The following CREB3L2 variants were observed in gnomAD, a reference collection of about 807,000 sequenced individuals.
The protein encoded by CREB3L2 is cyclic AMP-responsive element-binding protein 3-like protein 2.
Under a neutral mutation model 57.2 loss-of-function variants are expected in CREB3L2, and 23 were observed. That is an observed-to-expected ratio of 0.40 (90% confidence interval 0.29 to 0.57). The LOEUF (loss-of-function observed/expected upper bound fraction) is 0.57. CREB3L2 is among the 20% of genes least tolerant of loss of function. The pLI is 0.42. For missense variants in CREB3L2, 628 were observed against 634.7 expected, an observed-to-expected ratio of 0.99 and a Z score of 0.11; for synonymous variants, 268 against 265.1, an observed-to-expected ratio of 1.01 and a Z score of -0.11.
chr7:137,877,676 T>C lies in CREB3L2; in HGVS notation c.*2800A>G. On this transcript the variant is annotated 3_prime_UTR_variant, in exon 12 of 12. Coordinates refer to ENST00000330387, the MANE Select transcript of CREB3L2 (RefSeq NM_194071.4). Reference sequence around the variant, plus strand: ...TAAGAGATTGACTCTTTATGGCTTATGGCCGCTCTGACAGACTCGTATTTC... The same window carrying C: ...TAAGAGATTGACTCTTTATGGCTTACGGCCGCTCTGACAGACTCGTATTTC... The C allele has an allele frequency of 4.4e-6, 1 of 226,908 alleles. No individual in the cohort carries two copies. Among genetic ancestry groups the C allele is most frequent in the Non-Finnish European group, 8.8e-6 (1 of 114,268 alleles). The allele number at this position is 226,908 out of a possible 1,614,324, so 14.1% of individuals were successfully genotyped here.
In CREB3L2 at chr7:137,880,564, T is replaced by C; in HGVS notation, c.1488-13A>G. On this transcript the variant is annotated splice_polypyrimidine_tract_variant and intron_variant, in intron 11 of 11. Coordinates refer to ENST00000330387, the MANE Select transcript of CREB3L2 (RefSeq NM_194071.4). This position sits in a 1 kb window ranked among gnomAD's most constrained non-coding sequence, Gnocchi z 4.0. ...TTTGGCGCTGACCCTGTGAAGGCAT[T>C]AAAAGGAAAACGAAGTATTAGTCAC... The C allele has an allele frequency of 6.2e-7, 1 of 1,606,076 alleles. No homozygotes were observed. Among genetic ancestry groups the C allele is most frequent in the Non-Finnish European group, 8.5e-7 (1 of 1,172,864 alleles).
intron 1 of CREB3L2, among the ~76,000 whole-genome samples, chr7:137,954,876 T>G (rs1457786238): frequency 6.6e-6 from 1 of 152,126 alleles, no homozygotes; most frequent in Non-Finnish European, 1.5e-5. Context: ...TACAAAGGAA[T>G]AGAAAGAAGA....
Position 137,995,625 on chromosome 7 carries a change from G to A in CREB3L2, c.102+5979C>T, listed in dbSNP as rs182993597. Among the ~76,000 whole-genome samples, 10 of 152,244 alleles carry A rather than the reference G, an allele frequency of 6.6e-5. No individual in the cohort carries two copies. The East Asian group carries it at 1.9e-3, about 29-fold the overall frequency. Reference sequence around the variant, plus strand: ...TGGGATTACAGGCGTCAGCCACCGCGCCCGGCCAGGGGCTCTATTTCACAA... The same window carrying A: ...TGGGATTACAGGCGTCAGCCACCGCACCCGGCCAGGGGCTCTATTTCACAA... On this transcript the variant is annotated intron_variant, in intron 1 of 11. Transcript: ENST00000330387.
At chr7:137,979,623 G>A (rs971246892) in intron 1 of CREB3L2, among the ~76,000 whole-genome samples, 1 of 152,182 alleles carries the variant, frequency 6.6e-6, no homozygotes, top group African/African-American at 2.4e-5. Context: ...CTACTCGGGA[G>A]GCTGAGGCAG....
chr7:137,971,202 G>A (rs1189929488), intron 1 of CREB3L2, among the ~76,000 whole-genome samples: 5 of 152,072 alleles, frequency 3.3e-5, no homozygotes, highest in Non-Finnish European at 7.4e-5. Context: ...TGTAATCCCA[G>A]CACTTTGGGA....
intron 5 of CREB3L2, 72 bp from the exon 6 acceptor site, chr7:137,905,920 GGAT>G: frequency 2.2e-6 from 3 of 1,391,800 alleles, no homozygotes; most frequent in Admixed American, 4.4e-5. Flanking sequence ...CCTCCCAATG[GGAT>G]GATGAGAATC....
chr7:137,924,267 T>C (rs1800398817), intron 2 of CREB3L2, among the ~76,000 whole-genome samples: 2 of 152,238 alleles, frequency 1.3e-5, no homozygotes, highest in Admixed American at 6.5e-5. Flanking sequence ...CACTTCTGTA[T>C]TAGCCTATTT....
intron 7 of CREB3L2, among the ~76,000 whole-genome samples, chr7:137,902,194 CAAAAAA>C (rs58506555): frequency 2.4e-5 from 2 of 84,954 alleles, no homozygotes; most frequent in East Asian, 7.5e-4. Context: ...ACTCTGTCTC[CAAAAAA>C]AAAAAAAAAA....
chr7:137,930,252 T>C (rs78431191), intron 1 of CREB3L2, among the ~76,000 whole-genome samples: 4,690 of 152,282 alleles, frequency 0.031, 165 homozygotes, highest in Non-Finnish European at 0.036. Flanking sequence ...ATTTCTGCCT[T>C]CTTAACATTC....
At chr7:137,906,067 T>G (rs1799887310) in intron 5 of CREB3L2, among the ~76,000 whole-genome samples, 1 of 152,090 alleles carries the variant, frequency 6.6e-6, no homozygotes, top group Non-Finnish European at 1.5e-5. Context: ...GGATTATAAT[T>G]CAAGGGAAAG....
rs141056660 is a variant in CREB3L2 at position 137,969,791 on chromosome 7, C to CACACACACATACACAT, written c.102+31812_102+31813insATGTGTATGTGTGTGT. 9.0e-4 allele frequency among the ~76,000 whole-genome samples: 134 copies of CACACACACATACACAT among 148,668 alleles called. 2 individuals carry two copies. Among genetic ancestry groups the CACACACACATACACAT allele is most frequent in the East Asian group, 4.2e-3 (21 of 5,054 alleles). ...ACACACACACACACACACACACACA[C>CACACACACATACACAT]ACAACATACACATACGCAGAAAGAC... On this transcript the variant is annotated intron_variant, in intron 1 of 11. Coordinates refer to ENST00000330387, the MANE Select transcript of CREB3L2 (RefSeq NM_194071.4).
intron 1 of CREB3L2, among the ~76,000 whole-genome samples, chr7:137,978,375 T>G (rs1801645948): frequency 6.6e-6 from 1 of 152,172 alleles, no homozygotes. Flanking sequence ...TCCTATATGG[T>G]AAGGGTCTGT....
chr7:137,930,016 C>T (rs1165896574), intron 1 of CREB3L2, among the ~76,000 whole-genome samples: 3 of 151,790 alleles, frequency 2.0e-5, no homozygotes, highest in African/African-American at 7.3e-5. Flanking sequence ...GTCTCAGCCT[C>T]CTGAGTAGCT....
At chr7:137,922,391 T>C (rs1410379605) in intron 2 of CREB3L2, among the ~76,000 whole-genome samples, 3 of 17,214 alleles carry the variant, frequency 1.7e-4, no homozygotes, top group Non-Finnish European at 2.7e-4. Context: ...TATGTATATA[T>C]ATATATATAT....
chr7:137,882,611 G>A lies in CREB3L2; in HGVS notation c.1288C>T (p.Leu430=). 2 of 1,604,846 alleles carry A rather than the reference G, an allele frequency of 1.2e-6. No individual in the cohort carries two copies. Among genetic ancestry groups the A allele is most frequent in the Non-Finnish European group, 1.7e-6 (2 of 1,173,800 alleles). The change falls in exon 11 of 12, where the codon CTG becomes TTG. Residue 430 remains leucine (L), a synonymous_variant. Coordinates refer to ENST00000330387, the MANE Select transcript of CREB3L2 (RefSeq NM_194071.4). ...TASVVRSRNL[L]IYEEHSPPEE... Reference sequence around the variant, plus strand: ...GGGGGAGAATGTTCCTCGTAGATCAGCAGGTTTCTGGATCTCACTGAGGAC... The same window carrying A: ...GGGGGAGAATGTTCCTCGTAGATCAACAGGTTTCTGGATCTCACTGAGGAC...
rs1801654965 is a variant in CREB3L2 at position 137,978,724 on chromosome 7, A to G, written c.102+22880T>C. 2.0e-5 allele frequency among the ~76,000 whole-genome samples: 3 copies of G among 152,122 alleles called. No homozygotes were observed. In the South Asian group the frequency reaches 6.2e-4, roughly 32 times the overall value. On this transcript the variant is annotated intron_variant, in intron 1 of 11. Transcript: ENST00000330387. ...AATGAGAGGAAGGGGGGCTATCCTG[A>G]CTAGGGCAGTAGTGACGCAGCTGAG... is the stretch of plus-strand genomic sequence containing the variant.
At chr7:137,885,546 G>A in intron 8 of CREB3L2, 44 bp from the exon 9 acceptor site, 1 of 1,491,588 alleles carries the variant, frequency 6.7e-7, no homozygotes, top group Non-Finnish European at 9.4e-7. Flanking sequence ...TGACAGAGAA[G>A]AGATGCTTTT....
chr7:137,966,487 T>C (rs1285086788), intron 1 of CREB3L2, among the ~76,000 whole-genome samples: 3 of 152,160 alleles, frequency 2.0e-5, no homozygotes, highest in Admixed American at 1.3e-4. Context: ...TGTATGTTGA[T>C]CCTAGCCACG....
At chr7:138,000,259 A>T (rs1297320785) in intron 1 of CREB3L2, among the ~76,000 whole-genome samples, 1 of 152,256 alleles carries the variant, frequency 6.6e-6, no homozygotes, top group Non-Finnish European at 1.5e-5. Context: ...GCACCCATTC[A>T]TCAAAAGATA....
Sources: gnomAD v4.1 joint callset for allele counts (sites outside exome capture counted in the v4.1 genomes callset) on GRCh38, gnomAD v4.1.1 for gene constraint, Gnocchi (gnomAD v3.1) non-coding constraint, MANE v1.5 for transcripts, NCBI Gene and HGNC (gene_info 2026-07-23, HGNC 2026-07-21) for gene names.